Variants in RPS6KC1 observed in about 807,000 individuals in gnomAD.
RPS6KC1 encodes the protein inactive ribosomal protein S6 kinase delta-1.
RPS6KC1 carries 54 observed loss-of-function variants against 103.8 expected under a neutral mutation model. The ratio of observed to expected loss-of-function variants is 0.52; its 90% CI spans 0.42 to 0.65. RPS6KC1 has a LOEUF of 0.65. Ranked by LOEUF, RPS6KC1 falls within the 30% of genes least tolerant of loss-of-function variation. RPS6KC1 has a pLI of 0.00. For missense variants in RPS6KC1, 1,151 were observed against 1,253.8 expected, an observed-to-expected ratio of 0.92 and a Z score of 1.24; for synonymous variants, 439 against 438.7, an observed-to-expected ratio of 1.00 and a Z score of -0.01.
chr1:213,825,439 A>G, the RPS6KC1 span, among the ~76,000 whole-genome samples: 1 of 152,336 alleles, frequency 6.6e-6, no homozygotes, highest in East Asian at 1.9e-4. Flanking sequence ...TAGCTTAAGA[A>G]ATCTCAAGCT....
intron 14 of RPS6KC1, among the ~76,000 whole-genome samples, chr1:213,270,624 A>T (rs2095026262): frequency 6.6e-6 from 1 of 152,158 alleles, no homozygotes; most frequent in Non-Finnish European, 1.5e-5. Context: ...AATAAATAAT[A>T]AAAATATAAA....
the RPS6KC1 span, among the ~76,000 whole-genome samples, chr1:213,842,826 T>C: frequency 6.6e-6 from 1 of 152,258 alleles, no homozygotes; most frequent in African/African-American, 2.4e-5. Flanking sequence ...AGTTCTGTTT[T>C]AGGGGCCAAG....
At chr1:213,685,110 G>A in the RPS6KC1 span, among the ~76,000 whole-genome samples, 3 of 152,056 alleles carry the variant, frequency 2.0e-5, no homozygotes, top group African/African-American at 7.2e-5. Context: ...TGTTGCCCTG[G>A]ATGAAAATGC....
chr1:213,443,745 G>A, the RPS6KC1 span, among the ~76,000 whole-genome samples: 8 of 151,892 alleles, frequency 5.3e-5, no homozygotes, highest in African/African-American at 9.7e-5. Context: ...GCGAAACCCC[G>A]TCTCTACTAA....
the RPS6KC1 span, among the ~76,000 whole-genome samples, chr1:213,741,753 C>G: frequency 6.6e-6 from 1 of 152,030 alleles, no homozygotes; most frequent in Non-Finnish European, 1.5e-5. Context: ...ACGTCTTCAC[C>G]TTAAGACTGC....
At chr1:213,179,965 C>T (rs899547415) in intron 8 of RPS6KC1, among the ~76,000 whole-genome samples, 3 of 151,988 alleles carry the variant, frequency 2.0e-5, no homozygotes, top group Admixed American at 6.6e-5. Flanking sequence ...CTACCTGGTA[C>T]GATTGTATGA....
the RPS6KC1 span, among the ~76,000 whole-genome samples, chr1:213,807,339 T>C: frequency 6.6e-6 from 1 of 152,210 alleles, no homozygotes; most frequent in Admixed American, 6.5e-5. Flanking sequence ...CTTGCTAGAT[T>C]GGGGAATTTC....
chr1:213,726,075 A>G, the RPS6KC1 span, among the ~76,000 whole-genome samples: 4 of 152,048 alleles, frequency 2.6e-5, no homozygotes, highest in South Asian at 8.3e-4. Context: ...TTTCTCCATA[A>G]TTGTTCTTTC....
the RPS6KC1 span, among the ~76,000 whole-genome samples, chr1:213,287,035 A>C: frequency 6.6e-6 from 1 of 152,248 alleles, no homozygotes; most frequent in Non-Finnish European, 1.5e-5. Flanking sequence ...TTAAGAAATA[A>C]TTGAAAGATA....
the RPS6KC1 span, among the ~76,000 whole-genome samples, chr1:213,428,075 G>C: frequency 6.6e-6 from 1 of 152,178 alleles, no homozygotes; most frequent in East Asian, 1.9e-4. Context: ...TGGCCTTGAG[G>C]TCAAGGTGAG....
At chr1:213,384,563 G>A in the RPS6KC1 span, among the ~76,000 whole-genome samples, 3 of 152,050 alleles carry the variant, frequency 2.0e-5, no homozygotes, top group African/African-American at 7.2e-5. Context: ...AAGCCACCAC[G>A]GGAAGGTGTC....
chr1:213,248,578 A>T (rs897158367), intron 12 of RPS6KC1, among the ~76,000 whole-genome samples: 1 of 152,150 alleles, frequency 6.6e-6, no homozygotes, highest in Non-Finnish European at 1.5e-5. Flanking sequence ...GAGTACAAGC[A>T]AAAAAGGCCT....
chr1:213,664,126 C>G, the RPS6KC1 span, among the ~76,000 whole-genome samples: 2 of 149,660 alleles, frequency 1.3e-5, no homozygotes, highest in Non-Finnish European at 3.0e-5. Flanking sequence ...GGGCAGCTCC[C>G]CATGGCACAC....
chr1:213,164,842 T>G (rs924334943), intron 6 of RPS6KC1, among the ~76,000 whole-genome samples: 1 of 152,214 alleles, frequency 6.6e-6, no homozygotes, highest in Non-Finnish European at 1.5e-5. Context: ...GTGCTGGAAT[T>G]GTAGGAGTGA....
chr1:213,094,473 A>G (rs1027219175), intron 3 of RPS6KC1, among the ~76,000 whole-genome samples: 1 of 151,176 alleles, frequency 6.6e-6, no homozygotes, highest in Non-Finnish European at 1.5e-5. Flanking sequence ...GATTTTTCAT[A>G]ACACTGACAT....
the RPS6KC1 span, among the ~76,000 whole-genome samples, chr1:213,796,623 A>T: frequency 6.6e-6 from 1 of 152,162 alleles, no homozygotes; most frequent in Non-Finnish European, 1.5e-5. Context: ...TCACAGGCGA[A>T]TCTTGTGGAC....
the RPS6KC1 span, among the ~76,000 whole-genome samples, chr1:213,730,888 G>A: frequency 1.3e-5 from 2 of 152,150 alleles, no homozygotes; most frequent in African/African-American, 4.8e-5. Context: ...TTGTTTTCCA[G>A]GGTTTTGTAG....
chr1:213,369,173 TG>T, the RPS6KC1 span, among the ~76,000 whole-genome samples: 1 of 152,186 alleles, frequency 6.6e-6, no homozygotes, highest in Admixed American at 6.5e-5. Flanking sequence ...AAGAGTGGGC[TG>T]GGGGAGGTAT....
chr1:213,477,868 T>G, the RPS6KC1 span, among the ~76,000 whole-genome samples: 12 of 152,170 alleles, frequency 7.9e-5, no homozygotes, highest in Admixed American at 5.2e-4. Context: ...TGGGTTAATA[T>G]CAACACATTA....
Sources: gnomAD v4.1 joint callset for allele counts (sites outside exome capture counted in the v4.1 genomes callset) on GRCh38, gnomAD v4.1.1 for gene constraint, MANE v1.5 for transcripts, NCBI Gene and HGNC (gene_info 2026-07-23, HGNC 2026-07-21) for gene names.